PGM5: variants seen among roughly 807,000 people sequenced by gnomAD.
The protein encoded by PGM5 is phosphoglucomutase-like protein 5.
In PGM5, 23 loss-of-function variants were observed where a neutral mutation model predicts 59.2. That is an observed-to-expected ratio of 0.39 (90% CI 0.28 to 0.55). PGM5 has a LOEUF of 0.55. PGM5 is among the 20% of genes least tolerant of loss of function. The pLI is 0.66. For synonymous variants in PGM5, 214 were observed against 286.0 expected, an observed-to-expected ratio of 0.75 and a Z score of 2.54; for missense variants, 574 against 748.3, an observed-to-expected ratio of 0.77 and a Z score of 2.72.
rs1347855951 is a variant in PGM5 at position 68,401,885 on chromosome 9, ATATATGTGTGTGTGTG to A, written c.1043+9414_1043+9429del. Among the ~76,000 whole-genome samples, 16 of 104,186 alleles carry A rather than the reference ATATATGTGTGTGTGTG, an allele frequency of 1.5e-4. No homozygotes were observed. In the East Asian group the frequency reaches 1.6e-3, roughly 10 times the overall value. The allele number at this position is 104,186 out of a possible 152,430, so 68.4% of individuals were successfully genotyped here. Reference sequence around the variant, plus strand: ...CAGTGGTAGTTACACAGCTATATATATATATGTGTGTGTGTGTGTGTGTGTGTGTGTGTGTGTGTGT... The same window carrying A: ...CAGTGGTAGTTACACAGCTATATATATGTGTGTGTGTGTGTGTGTGTGTGT... On this transcript the variant is annotated intron_variant, in intron 6 of 10. Coordinates refer to ENST00000396396, the MANE Select transcript of PGM5 (RefSeq NM_021965.4).
At chr9:68,504,618 C>T (rs369442789) in intron 10 of PGM5, among the ~76,000 whole-genome samples, 2 of 152,306 alleles carry the variant, frequency 1.3e-5, no homozygotes, top group South Asian at 4.1e-4. Flanking sequence ...AAGGGTGTCC[C>T]TGGCCACCTA....
intron 2 of PGM5, among the ~76,000 whole-genome samples, chr9:68,378,992 C>T (rs1267055235): frequency 6.6e-6 from 1 of 152,084 alleles, no homozygotes; most frequent in Admixed American, 6.6e-5. Flanking sequence ...TTTTGCTTAT[C>T]TTTTTTTCTG....
At chr9:68,376,796 T>TCTTTCTTA (rs1217994299) in intron 1 of PGM5, among the ~76,000 whole-genome samples, 5 of 108,110 alleles carry the variant, frequency 4.6e-5, no homozygotes, top group Non-Finnish European at 9.5e-5. Flanking sequence ...TTTCTTTCTT[T>TCTTTCTTA]CTTTCTTTCT....
intron 8 of PGM5, among the ~76,000 whole-genome samples, chr9:68,482,849 A>C (rs1339501468): frequency 6.6e-6 from 1 of 152,276 alleles, no homozygotes; most frequent in Non-Finnish European, 1.5e-5. Context: ...CTCTTGGTAT[A>C]CATCATCATA....
In PGM5 at chr9:68,357,776, A is replaced by T. The variant is rs2777172; in HGVS notation, c.261+388A>T. On this transcript the variant is annotated intron_variant, in intron 1 of 10. Coordinates refer to ENST00000396396, the MANE Select transcript of PGM5 (RefSeq NM_021965.4). ...CAGTTTTCCATATTGTTCCCAACGC[A>T]TTCACTGCCCACAGTCCCCACACAA... The T allele has an allele frequency of 6.1e-5, 13 of 211,424 alleles. No homozygotes were observed. In the East Asian group the frequency reaches 1.9e-3, roughly 31 times the overall value. The allele number at this position is 211,424 out of a possible 1,614,324, so 13.1% of individuals were successfully genotyped here.
intron 7 of PGM5, among the ~76,000 whole-genome samples, chr9:68,468,542 A>G (rs10868879): frequency 0.1 from 15,609 of 152,206 alleles, 1,364 homozygotes; most frequent in East Asian, 0.37. Flanking sequence ...TTTCAATTCA[A>G]TAAACATTTA....
At chr9:68,471,940 G>A (rs1438240007) in intron 7 of PGM5, among the ~76,000 whole-genome samples, 2 of 149,566 alleles carry the variant, frequency 1.3e-5, no homozygotes, top group African/African-American at 2.5e-5. Flanking sequence ...ACAATTCTTA[G>A]AGTCCTATTG....
intron 8 of PGM5, among the ~76,000 whole-genome samples, chr9:68,480,489 G>C (rs1824178983): frequency 6.6e-6 from 1 of 152,154 alleles, no homozygotes; most frequent in Admixed American, 6.5e-5. Flanking sequence ...CGGATCACCT[G>C]AGGTCAGGAG....
intron 6 of PGM5, among the ~76,000 whole-genome samples, chr9:68,459,940 C>T (rs187243902): frequency 4.2e-4 from 64 of 152,108 alleles, no homozygotes; most frequent in African/African-American, 1.4e-3. Context: ...ATATACGATG[C>T]AAATATCTTT....
intron 9 of PGM5, among the ~76,000 whole-genome samples, chr9:68,487,714 A>G (rs1824320095): frequency 6.6e-6 from 1 of 152,216 alleles, no homozygotes; most frequent in African/African-American, 2.4e-5. Context: ...ATAATTTTCA[A>G]CAATGAATTG....
chr9:68,397,253 A>C (rs1310719401), intron 6 of PGM5: 2 of 152,794 alleles, frequency 1.3e-5, no homozygotes, highest in African/African-American at 4.8e-5. Flanking sequence ...TCTCCACCCC[A>C]TGTAGAGGTA....
chr9:68,479,018 C>T (rs998105987), intron 7 of PGM5, among the ~76,000 whole-genome samples: 4 of 152,280 alleles, frequency 2.6e-5, no homozygotes, highest in Non-Finnish European at 5.9e-5. Context: ...CTTTGCCTGT[C>T]TCCACCTAAC....
intron 7 of PGM5, among the ~76,000 whole-genome samples, chr9:68,469,537 T>C (rs1420938536): frequency 6.6e-6 from 1 of 152,232 alleles, no homozygotes; most frequent in Non-Finnish European, 1.5e-5. Context: ...ACTGTTTTCA[T>C]ATGTGCCCAA....
intron 10 of PGM5, among the ~76,000 whole-genome samples, chr9:68,514,772 T>TA (rs1824800786): frequency 6.6e-6 from 1 of 152,162 alleles, no homozygotes; most frequent in Non-Finnish European, 1.5e-5. Flanking sequence ...ATAGGATGCA[T>TA]TTATAGGGGT....
intron 10 of PGM5, among the ~76,000 whole-genome samples, chr9:68,520,743 C>T (rs1373755908): frequency 6.6e-6 from 1 of 152,148 alleles, no homozygotes; most frequent in Admixed American, 6.5e-5. Flanking sequence ...TATCATAAAA[C>T]GGTATTGCTA....
chr9:68,526,132 A>G (rs1405485919), intron 10 of PGM5, among the ~76,000 whole-genome samples: 2 of 152,168 alleles, frequency 1.3e-5, no homozygotes, highest in Non-Finnish European at 2.9e-5. Flanking sequence ...AAAAAATTCA[A>G]TCTTGGGTAT....
intron 6 of PGM5, among the ~76,000 whole-genome samples, chr9:68,420,220 G>A (rs569230671): frequency 4.1e-4 from 63 of 152,278 alleles, no homozygotes; most frequent in African/African-American, 1.5e-3. Context: ...CTGAGGCTTG[G>A]TGTGGCTCAA....
At chr9:68,427,727 T>G (rs1230959770) in intron 6 of PGM5, among the ~76,000 whole-genome samples, 1 of 152,242 alleles carries the variant, frequency 6.6e-6, no homozygotes, top group Non-Finnish European at 1.5e-5. Flanking sequence ...CCTCAGACTC[T>G]GGGCTGTCTT....
Position 68,472,814 on chromosome 9 carries a change from C to T in PGM5, c.1160-6604C>T, listed in dbSNP as rs78163376. On this transcript the variant is annotated intron_variant, in intron 7 of 10. Transcript: ENST00000396396. ...TGAAACACTATTTATTACTATTTTA[C>T]TTATTAAATGTGTTGTGACACAGAA... Among the ~76,000 whole-genome samples the T allele has an allele frequency of 4.0e-3, 608 of 152,236 alleles. 5 individuals carry two copies. The highest frequency in any genetic ancestry group is 0.014 in the African/African-American group (580 of 41,530).
Sources: gnomAD v4.1 joint callset for allele counts (sites outside exome capture counted in the v4.1 genomes callset) on GRCh38, gnomAD v4.1.1 for gene constraint, MANE v1.5 for transcripts, NCBI Gene and HGNC (gene_info 2026-07-23, HGNC 2026-07-21) for gene names.